Variants in PDE10A observed in about 807,000 individuals in gnomAD.
PDE10A encodes the protein cAMP and cAMP-inhibited cGMP 3',5'-cyclic phosphodiesterase 10A.
Under a neutral mutation model 97.7 loss-of-function variants are expected in PDE10A, and 39 were observed. The observed-to-expected ratio is 0.40, with a 90% CI of 0.31 to 0.52. The LOEUF (loss-of-function observed/expected upper bound fraction) is 0.52. PDE10A is among the 20% of genes least tolerant of loss of function. The pLI is 0.56. For missense variants in PDE10A, 731 were observed against 1,047.8 expected, an observed-to-expected ratio of 0.70 and a Z score of 4.17; for synonymous variants, 371 against 376.8, an observed-to-expected ratio of 0.98 and a Z score of 0.18.
intron 1 of PDE10A, among the ~76,000 whole-genome samples, chr6:165,926,996 A>G (rs1050130597): frequency 7.3e-6 from 1 of 137,868 alleles, no homozygotes; most frequent in Middle Eastern, 3.6e-3. Flanking sequence ...AGCACATGCT[A>G]TGTTCTCACT....
chr6:165,958,716 G>GGAGA (rs1784257842), intron 1 of PDE10A, among the ~76,000 whole-genome samples: 1 of 58,768 alleles, frequency 1.7e-5, no homozygotes, highest in African/African-American at 8.2e-5. Context: ...AAGAAAGAGA[G>GGAGA]AAGAAAGAAA....
intron 2 of PDE10A, among the ~76,000 whole-genome samples, chr6:165,509,527 T>C (rs1190860698): frequency 6.6e-6 from 1 of 151,902 alleles, no homozygotes; most frequent in Non-Finnish European, 1.5e-5. Context: ...ATGCCTCCGG[T>C]GTTGTTCCTT....
At chr6:165,753,304 C>T (rs535838742) in intron 1 of PDE10A, among the ~76,000 whole-genome samples, 1 of 152,288 alleles carries the variant, frequency 6.6e-6, no homozygotes, top group South Asian at 2.1e-4. Flanking sequence ...AGGGAGTCCA[C>T]GGCAGGCCAA....
chr6:165,931,199 C>A (rs563114801), intron 1 of PDE10A, among the ~76,000 whole-genome samples: 1 of 152,318 alleles, frequency 6.6e-6, no homozygotes, highest in East Asian at 1.9e-4. Flanking sequence ...GCCAGCCTAG[C>A]TAGGGAAGCA....
intron 1 of PDE10A, among the ~76,000 whole-genome samples, chr6:165,748,168 G>T (rs757706493): frequency 6.6e-6 from 1 of 152,190 alleles, no homozygotes. Flanking sequence ...GAAAAAAAAT[G>T]CTGAGTCTTC....
At chr6:165,744,855 A>G (rs1221744386) in intron 1 of PDE10A, among the ~76,000 whole-genome samples, 1 of 53,882 alleles carries the variant, frequency 1.9e-5, no homozygotes, top group Non-Finnish European at 2.9e-5. Context: ...GTACTGCTTA[A>G]AAAAAAAAAA....
chr6:165,329,759 A>C lies in PDE10A; in HGVS notation c.*3266T>G, dbSNP rs1781238400. On this transcript the variant is annotated 3_prime_UTR_variant, in exon 22 of 22. Transcript: ENST00000539869. ...CCAATTAGTTGCTTTTGTTGTGGTG[A>C]GAACGAGTCACCTGGGGCACCACTG... is the stretch of plus-strand genomic sequence containing the variant. 6.6e-6 allele frequency: 1 copy of C among 152,236 alleles called. No homozygotes were observed. The highest frequency in any genetic ancestry group is 1.5e-5 in the Non-Finnish European group (1 of 68,038). The allele number at this position is 152,236 out of a possible 1,614,324, so 9.4% of individuals were successfully genotyped here.
chr6:165,436,257 G>C (rs191905428), intron 5 of PDE10A, among the ~76,000 whole-genome samples: 146 of 152,250 alleles, frequency 9.6e-4, no homozygotes, highest in Non-Finnish European at 1.7e-3. Flanking sequence ...ATAAGTATTA[G>C]ACAGCCCTCT....
In PDE10A at chr6:165,448,919, G is replaced by A. The variant is rs761017460; in HGVS notation, c.1194+9C>T. The A allele has an allele frequency of 2.0e-5, 31 of 1,586,066 alleles. No individual in the cohort carries two copies. The African/African-American group carries it at 4.2e-4, about 21-fold the overall frequency. Reference sequence around the variant, plus strand: ...TCTAGAGCACCAAAATCTAAATTTAGATACTTACATTATTGCACTCTCCAA... The same window carrying A: ...TCTAGAGCACCAAAATCTAAATTTAAATACTTACATTATTGCACTCTCCAA... On this transcript the variant is annotated intron_variant, in intron 5 of 21. Coordinates refer to ENST00000539869, the MANE Select transcript of PDE10A (RefSeq NM_001385079.1).
intron 1 of PDE10A, among the ~76,000 whole-genome samples, chr6:165,928,821 T>C (rs570943250): frequency 5.9e-5 from 9 of 152,242 alleles, no homozygotes; most frequent in Admixed American, 2.0e-4. Flanking sequence ...AACAAGCAAT[T>C]GCTCAGCCCC....
chr6:165,419,100 T>A (rs183444565), intron 10 of PDE10A, among the ~76,000 whole-genome samples: 2 of 152,300 alleles, frequency 1.3e-5, no homozygotes, highest in East Asian at 3.9e-4. Context: ...GCTGCTGGCC[T>A]AACTTCCCAG....
chr6:165,725,052 G>A (rs1792258673), intron 1 of PDE10A, among the ~76,000 whole-genome samples: 1 of 152,194 alleles, frequency 6.6e-6, no homozygotes, highest in Non-Finnish European at 1.5e-5. Flanking sequence ...GGGAAATTTG[G>A]CTGAGGGTGG....
chr6:165,473,077 A>G (rs933467662), intron 3 of PDE10A, among the ~76,000 whole-genome samples: 1 of 152,206 alleles, frequency 6.6e-6, no homozygotes, highest in Non-Finnish European at 1.5e-5. Context: ...CTAAATATCT[A>G]CCAATAGAAT....
chr6:165,657,448 T>G (rs1790023314), intron 1 of PDE10A, among the ~76,000 whole-genome samples: 1 of 152,264 alleles, frequency 6.6e-6, no homozygotes, highest in Admixed American at 6.5e-5. Context: ...AAAATTATTT[T>G]TTCTCTCAGA....
At chr6:165,775,868 AACTTAT>A (rs1461576064) in intron 1 of PDE10A, 2 of 152,256 alleles carry the variant, frequency 1.3e-5, no homozygotes, top group East Asian at 1.9e-4. Context: ...TAGAGCTCAA[AACTTAT>A]ACTTAAATTT....
chr6:165,827,109 G>T (rs1447083304), intron 1 of PDE10A, among the ~76,000 whole-genome samples: 1 of 152,196 alleles, frequency 6.6e-6, no homozygotes, highest in African/African-American at 2.4e-5. Context: ...ACCCGGGAGA[G>T]CCTGACTTCC....
chr6:165,958,112 A>G (rs1034071029), intron 1 of PDE10A, among the ~76,000 whole-genome samples: 1 of 152,162 alleles, frequency 6.6e-6, no homozygotes, highest in African/African-American at 2.4e-5. Context: ...AGCAAGAGAG[A>G]CAAAACATGG....
chr6:165,832,861 G>T (rs544321327), intron 1 of PDE10A, among the ~76,000 whole-genome samples: 7 of 152,234 alleles, frequency 4.6e-5, no homozygotes, highest in African/African-American at 1.7e-4. Context: ...CATATTCCGG[G>T]TTAACTCCTC....
At chr6:165,604,796 A>G (rs867253102) in intron 1 of PDE10A, among the ~76,000 whole-genome samples, 1 of 152,194 alleles carries the variant, frequency 6.6e-6, no homozygotes, top group Non-Finnish European at 1.5e-5. Flanking sequence ...TTACACATAC[A>G]TGTGGATTTC....
Sources: gnomAD v4.1 joint callset for allele counts (sites outside exome capture counted in the v4.1 genomes callset) on GRCh38, gnomAD v4.1.1 for gene constraint, MANE v1.5 for transcripts, NCBI Gene and HGNC (gene_info 2026-07-23, HGNC 2026-07-21) for gene names.